Variants in MTUS1 observed in about 807,000 individuals in gnomAD.
MTUS1 encodes microtubule-associated tumor suppressor 1.
Under a neutral mutation model 120.8 loss-of-function variants are expected in MTUS1, and 109 were observed. The observed-to-expected ratio is 0.90, with a 90% CI of 0.77 to 1.06. The LOEUF (loss-of-function observed/expected upper bound fraction) is 1.06. Ranked by LOEUF, MTUS1 falls within the 50% of genes least tolerant of loss-of-function variation. The pLI, the probability that MTUS1 is intolerant of heterozygous loss-of-function variation, is 0.00. For synonymous variants in MTUS1, 737 were observed against 550.5 expected (o/e 1.34, Z -4.74); for missense variants, 2,210 against 1,486.3 (o/e 1.49, Z -8.01).
intron 1 of MTUS1, among the ~76,000 whole-genome samples, chr8:17,774,545 C>T (rs2050263744): frequency 6.6e-6 from 1 of 152,166 alleles, no homozygotes; most frequent in Admixed American, 6.5e-5. Flanking sequence ...CAAATCAAAA[C>T]CACAATCAGA....
intron 14 of MTUS1, 148 bp downstream of exon 14, chr8:17,646,834 C>T: frequency 1.6e-6 from 1 of 632,488 alleles, no homozygotes; most frequent in Non-Finnish European, 2.8e-6. Context: ...CTACTACAAT[C>T]ATATTTTCCA....
chr8:17,775,859 C>G (rs958922301), intron 1 of MTUS1, among the ~76,000 whole-genome samples: 1 of 152,304 alleles, frequency 6.6e-6, no homozygotes, highest in African/African-American at 2.4e-5. Flanking sequence ...AGACACACAG[C>G]CCGATACTGA....
Position 17,684,303 on chromosome 8 carries a change from C to A in MTUS1, c.2838+25G>T, listed in dbSNP as rs768605322. ...GCTCCCCCGACCTCAAGTAGAAAGG[C>A]TCTTTCTAGGATGCACCTCCTTACC... On this transcript the variant is annotated intron_variant, in intron 7 of 14. Transcript: ENST00000693296. The A allele has an allele frequency of 1.9e-6, 3 of 1,578,390 alleles. 1 individual carries two copies. In the South Asian group the frequency reaches 3.3e-5, roughly 17 times the overall value.
At chr8:17,695,794 C>T (rs1817821823) in intron 6 of MTUS1, among the ~76,000 whole-genome samples, 1 of 152,040 alleles carries the variant, frequency 6.6e-6, no homozygotes, top group Admixed American at 6.5e-5. Context: ...GCTTTTATTT[C>T]TGTATAACAA....
chr8:17,653,257 C>T lies in MTUS1; in HGVS notation c.3313G>A (p.Glu1105Lys). ...LEKQINDLKS[E>K]NDALNEKLKS... ...AATTTTTCATTTAAAGCATCATTTT[C>T]ACTCTTCAGATCATTGATTTGCTTC... is the stretch of plus-strand genomic sequence containing the variant. Residue 1105 changes from glutamate (E) to lysine (K), a missense_variant, in exon 12 of 15, where the codon GAA (glutamate) becomes AAA (lysine). Glu to Lys is a moderately conservative substitution (Grantham distance 56). Transcript: ENST00000693296. 1 of 1,558,258 alleles carries T rather than the reference C, an allele frequency of 6.4e-7. No homozygotes were observed. Among genetic ancestry groups the T allele is most frequent in the Non-Finnish European group, 8.6e-7 (1 of 1,156,894 alleles).
intron 6 of MTUS1, chr8:17,691,441 A>G (rs1034815450): frequency 3.3e-5 from 5 of 152,268 alleles, no homozygotes; most frequent in African/African-American, 1.2e-4. Flanking sequence ...CTTGGAATCA[A>G]TCCACGACAA....
intron 1 of MTUS1, among the ~76,000 whole-genome samples, chr8:17,762,880 T>C (rs981381440): frequency 2.0e-5 from 3 of 152,162 alleles, no homozygotes; most frequent in South Asian, 4.1e-4. Flanking sequence ...TTTTGGTCCA[T>C]GGGCCACCTT....
chr8:17,654,090 G>A (rs369035906), intron 10 of MTUS1: 60 of 164,762 alleles, frequency 3.6e-4, no homozygotes, highest in Admixed American at 7.6e-4. Flanking sequence ...GACTGTGAGC[G>A]ACACTGCCGA....
Position 17,796,412 on chromosome 8 carries a change from A to G in MTUS1, c.-155+4649T>C, listed in dbSNP as rs369946408. On this transcript the variant is annotated intron_variant, in intron 1 of 14. Transcript: ENST00000693296. The stretch of plus-strand genomic sequence containing the variant: ...GATTTATATGCAAATACGTACTTCT[A>G]AAGTACCTGAAAGCTATTTACTTAA... Among the ~76,000 whole-genome samples the G allele has an allele frequency of 2.1e-4, 7 of 33,726 alleles. No homozygotes were observed. In the East Asian group the frequency reaches 6.0e-3, roughly 29 times the overall value. The allele number at this position is 33,726 out of a possible 152,430, so 22.1% of individuals were successfully genotyped here.
intron 9 of MTUS1, among the ~76,000 whole-genome samples, chr8:17,655,383 T>G (rs1434796210): frequency 1.3e-5 from 2 of 152,146 alleles, no homozygotes; most frequent in African/African-American, 4.8e-5. Context: ...GAAAGGGTTG[T>G]TTTTTCAATT....
intron 4 of MTUS1, chr8:17,721,814 C>T (rs746656381): frequency 1.2e-6 from 2 of 1,614,030 alleles, no homozygotes; most frequent in African/African-American, 1.3e-5. Context: ...CTCTCTGAAC[C>T]AGCCGGTGGG....
chr8:17,695,725 T>C lies in MTUS1; in HGVS notation c.2624-11183A>G, dbSNP rs75947570. The stretch of plus-strand genomic sequence containing the variant: ...TTTTTTTTAATGAGGTAGATAAACA[T>C]GTGATCACATGCAAATCTAAAACAC... On this transcript the variant is annotated intron_variant, in intron 6 of 14. Coordinates refer to ENST00000693296, the MANE Select transcript of MTUS1 (RefSeq NM_001363059.2). Among the ~76,000 whole-genome samples, 618 of 152,008 alleles carry C rather than the reference T, an allele frequency of 4.1e-3. 4 individuals carry two copies. Among genetic ancestry groups the C allele is most frequent in the African/African-American group, 0.014 (596 of 41,526 alleles).
chr8:17,675,198 G>C lies in MTUS1; in HGVS notation c.2893C>G (p.Arg965Gly). ...KTLSQELVNL[R>G]GELVTASTTC... is the part of the protein sequence containing the mutation. The stretch of plus-strand genomic sequence containing the variant: ...AAAAAGCTCTTACCTAGCTCTCCCC[G>C]GAGGTTAACAAGTTCTTGAGATAGG... The change falls in exon 8 of 15, where the codon CGG (arginine) becomes GGG (glycine). Residue 965 changes from arginine to glycine, a missense_variant. By Grantham distance (125) the Arg-to-Gly change is moderately radical (BLOSUM62 -2). Transcript: ENST00000693296. 6.2e-7 allele frequency: 1 copy of C among 1,614,058 alleles called. No individual in the cohort carries two copies. The highest frequency in any genetic ancestry group is 8.5e-7 in the Non-Finnish European group (1 of 1,179,982).
chr8:17,645,512 A>AC lies in MTUS1; in HGVS notation c.*413dup, dbSNP rs562659439. The AC allele has an allele frequency of 1.1e-3, 181 of 170,040 alleles. No homozygotes were observed. Among genetic ancestry groups the AC allele is most frequent in the Middle Eastern group, 2.8e-3 (1 of 356 alleles). The allele number at this position is 170,040 out of a possible 1,614,324, so 10.5% of individuals were successfully genotyped here. A position where few individuals can be genotyped will look rare whatever the true frequency, so the allele number is the denominator to read the frequency against. On this transcript the variant is annotated 3_prime_UTR_variant, in exon 15 of 15. Transcript: ENST00000693296. ...ACTCTGTGACATCCATTTCATTCAC[A>AC]CCCCCCACCCCCACAGTCAGACTGA...
chr8:17,732,286 T>A (rs865962927), intron 3 of MTUS1, among the ~76,000 whole-genome samples: 2 of 152,232 alleles, frequency 1.3e-5, no homozygotes, highest in Admixed American at 6.5e-5. Context: ...CTCTGGTTTA[T>A]GTCCACTGGT....
At chr8:17,719,791 A>G (rs943069379) in intron 4 of MTUS1, among the ~76,000 whole-genome samples, 1 of 151,984 alleles carries the variant, frequency 6.6e-6, no homozygotes, top group African/African-American at 2.4e-5. Flanking sequence ...GTGAGAGAAG[A>G]AAAAAAACAA....
chr8:17,751,862 TAAA>T (rs56362055), intron 2 of MTUS1, among the ~76,000 whole-genome samples: 5,288 of 96,436 alleles, frequency 0.055, 375 homozygotes, highest in African/African-American at 0.19. Flanking sequence ...GACTCTGCCT[TAAA>T]AAAAAAAAAA....
intron 8 of MTUS1, chr8:17,674,473 T>C (rs1450528629): frequency 9.1e-6 from 9 of 984,432 alleles, no homozygotes; most frequent in Non-Finnish European, 9.6e-6. Flanking sequence ...GCAAAGGCAG[T>C]GTCGTGTCTG....
At chr8:17,671,592 A>G (rs17125061) in intron 8 of MTUS1, among the ~76,000 whole-genome samples, 6,342 of 152,268 alleles carry the variant, frequency 0.042, 444 homozygotes, top group African/African-American at 0.14. Context: ...AGACTGAGGG[A>G]ACAACGGGAA....
Sources: gnomAD v4.1 joint callset for allele counts (sites outside exome capture counted in the v4.1 genomes callset) on GRCh38, gnomAD v4.1.1 for gene constraint, MANE v1.5 for transcripts, NCBI Gene and HGNC (gene_info 2026-07-23, HGNC 2026-07-21) for gene names.